Variants in PCDHGA3 observed in about 807,000 individuals in gnomAD.
PCDHGA3 encodes protocadherin gamma-A3.
In PCDHGA3, 40 loss-of-function variants were observed where a neutral mutation model predicts 58.5. The ratio of observed to expected loss-of-function variants is 0.68; its 90% confidence interval spans 0.53 to 0.89. The LOEUF is 0.89. PCDHGA3 is among the 40% of genes least tolerant of loss of function. The probability of loss-of-function intolerance (pLI) is 0.00; values close to 1 mark genes in which losing one functional copy is unlikely to be tolerated. For missense variants in PCDHGA3, 1,223 were observed against 1,195.9 expected (o/e 1.02, Z -0.33); for synonymous variants, 530 against 525.7 (o/e 1.01, Z -0.11).
intron 1 of PCDHGA3, chr5:141,479,217 A>G (rs1433108919): frequency 1.3e-5 from 2 of 152,400 alleles, no homozygotes; most frequent in Non-Finnish European, 2.9e-5. Context: ...TTAAAAAATT[A>G]AAACTATAAT....
chr5:141,490,405 ATC>A lies in PCDHGA3; in HGVS notation c.2425-4397_2425-4396del, dbSNP rs765446736. 1 of 1,614,142 alleles carries A rather than the reference ATC, an allele frequency of 6.2e-7. No individual in the cohort carries two copies. The highest frequency in any genetic ancestry group is 8.5e-7 in the Non-Finnish European group (1 of 1,180,028). ...TAGAAATGGTGAAGTGAGCCTTGATATCTCTCCGGACCTGCCATTTCAGATTA... is the reference window on the plus strand; with the variant it reads ...TAGAAATGGTGAAGTGAGCCTTGATATCTCCGGACCTGCCATTTCAGATTA... On this transcript the variant is annotated intron_variant, in intron 1 of 3. Transcript: ENST00000253812. The surrounding 1 kb of genome is among the most constrained non-coding windows in gnomAD (Gnocchi z 5.4).
chr5:141,344,886 C>A lies in PCDHGA3; in HGVS notation c.853C>A (p.Pro285Thr). ...AQVSYILDKM[P>T]GKIAEIFHLN... ...AGTGTCTTATATTCTAGATAAAATG[C>A]CTGGGAAAATCGCTGAGATTTTCCA... Residue 285 changes from proline (P) to threonine (T), a missense_variant, in exon 1 of 4, where the codon CCT becomes ACT. Transcript: ENST00000253812. 6.2e-7 allele frequency: 1 copy of A among 1,613,810 alleles called. No individual in the cohort carries two copies. Among genetic ancestry groups the A allele is most frequent in the Non-Finnish European group, 8.5e-7 (1 of 1,179,830 alleles).
At chr5:141,482,089 CAA>C (rs36035257) in intron 1 of PCDHGA3, among the ~76,000 whole-genome samples, 9,071 of 134,384 alleles carry the variant, frequency 0.068, 318 homozygotes, top group South Asian at 0.13. Context: ...CACTCCATCT[CAA>C]AAAAAAAAAA....
intron 1 of PCDHGA3, among the ~76,000 whole-genome samples, chr5:141,467,075 C>A (rs2099136382): frequency 6.9e-6 from 1 of 145,470 alleles, no homozygotes; most frequent in Non-Finnish European, 1.5e-5. Flanking sequence ...TTTTTTTAGA[C>A]CAAGTCTCAC....
Position 141,489,978 on chromosome 5 carries a change from T to C in PCDHGA3, c.2425-4829T>C. 6.2e-7 allele frequency: 1 copy of C among 1,614,192 alleles called. No homozygotes were observed. Among genetic ancestry groups the C allele is most frequent in the Non-Finnish European group, 8.5e-7 (1 of 1,180,012 alleles). On this transcript the variant is annotated intron_variant, in intron 1 of 3. Coordinates refer to ENST00000253812, the MANE Select transcript of PCDHGA3 (RefSeq NM_018916.4). The surrounding 1 kb of genome is among the most constrained non-coding windows in gnomAD (Gnocchi z 4.5). ...ATGCTCCAACCTTCCAATCCTCAGT[T>C]CTACGTGTGGGAATCCCAGAGAATG...
At position 141,430,969 on chromosome 5, in the gene PCDHGA3, T is replaced by C. The variant is rs560722324; in HGVS notation, c.2425-63838T>C. The C allele has an allele frequency of 1.5e-4, 246 of 1,613,012 alleles. 3 individuals carry two copies. The South Asian group carries it at 2.6e-3, about 17-fold the overall frequency. The stretch of plus-strand genomic sequence containing the variant: ...GCGGAGTCCGCATCATCCCCAGAGG[T>C]AGGACGCAGCTTTTCGCCCTGAATC... On this transcript the variant is annotated intron_variant, in intron 1 of 3. Transcript: ENST00000253812.
Position 141,490,397 on chromosome 5 carries a change from G to A in PCDHGA3, c.2425-4410G>A. 6.2e-7 allele frequency: 1 copy of A among 1,614,170 alleles called. No individual in the cohort carries two copies. Among genetic ancestry groups the A allele is most frequent in the South Asian group, 1.1e-5 (1 of 91,080 alleles). On this transcript the variant is annotated intron_variant, in intron 1 of 3. Coordinates refer to ENST00000253812, the MANE Select transcript of PCDHGA3 (RefSeq NM_018916.4). This position sits in a 1 kb window ranked among gnomAD's most constrained non-coding sequence, Gnocchi z 5.4. ...GACTCAGGTAGAAATGGTGAAGTGA[G>A]CCTTGATATCTCTCCGGACCTGCCA...
intron 1 of PCDHGA3, chr5:141,441,629 G>T: frequency 4.5e-6 from 1 of 224,156 alleles, no homozygotes; most frequent in Non-Finnish European, 9.0e-6. Flanking sequence ...GTGACCTGGA[G>T]CCACAGGCGC....
intron 1 of PCDHGA3, among the ~76,000 whole-genome samples, chr5:141,463,025 T>G (rs2099051289): frequency 6.6e-6 from 1 of 152,202 alleles, no homozygotes; most frequent in Non-Finnish European, 1.5e-5. Flanking sequence ...ACTTTTTTGA[T>G]TAATCTGAGT....
chr5:141,377,998 G>A (rs757547607), intron 1 of PCDHGA3: 3 of 152,116 alleles, frequency 2.0e-5, no homozygotes, highest in Non-Finnish European at 4.4e-5. Context: ...CTAAAGCTTG[G>A]CTCAAATAAG....
intron 1 of PCDHGA3, chr5:141,418,737 C>G (rs768683069): frequency 6.2e-7 from 1 of 1,613,842 alleles, no homozygotes; most frequent in African/African-American, 1.3e-5. Context: ...CACGTGTTCT[C>G]TCTGGATTAC....
intron 1 of PCDHGA3, chr5:141,360,110 G>A (rs1180892188): frequency 1.3e-6 from 2 of 1,563,150 alleles, no homozygotes; most frequent in Non-Finnish European, 1.7e-6. Context: ...TCCTCCTATG[G>A]GCAAAGGAGC....
In PCDHGA3 at chr5:141,357,339, A is replaced by T. The variant is rs771047184; in HGVS notation, c.2424+10882A>T. 8.7e-6 allele frequency: 14 copies of T among 1,613,986 alleles called. No homozygotes were observed. In the South Asian group the frequency reaches 1.5e-4, roughly 18 times the overall value. On this transcript the variant is annotated intron_variant, in intron 1 of 3. Transcript: ENST00000253812. Reference sequence around the variant, plus strand: ...TGGCTTTTGTCACGGTGCTGCTAGCACTCAAGCTGAGACGCTGGCACAAGT... The same window carrying T: ...TGGCTTTTGTCACGGTGCTGCTAGCTCTCAAGCTGAGACGCTGGCACAAGT...
rs147674746 is a variant in PCDHGA3, at chr5:141,477,348, C to G, written c.2425-17459C>G. 7 of 1,614,180 alleles carry G rather than the reference C, an allele frequency of 4.3e-6. No individual in the cohort carries two copies. Among genetic ancestry groups the G allele is most frequent in the Non-Finnish European group, 5.9e-6 (7 of 1,180,030 alleles). ...CTCAAGAATTACTTCACTTTGAAAA[C>G]CAGTGCAGACCTGGATCGGGAGACT... is the stretch of plus-strand genomic sequence containing the variant. On this transcript the variant is annotated intron_variant, in intron 1 of 3. Transcript: ENST00000253812. The surrounding 1 kb of genome is among the most constrained non-coding windows in gnomAD (Gnocchi z 4.9).
At chr5:141,417,937 C>T (rs571233315) in intron 1 of PCDHGA3, 2 of 1,612,530 alleles carry the variant, frequency 1.2e-6, no homozygotes, top group South Asian at 1.1e-5. Context: ...CTTTGTTCTA[C>T]CCCACGCTGT....
At position 141,346,394 on chromosome 5, in the gene PCDHGA3, A is replaced by G; in HGVS notation, c.2361A>G (p.Lys787=). 1.2e-6 allele frequency: 2 copies of G among 1,614,244 alleles called. No homozygotes were observed. Among genetic ancestry groups the G allele is most frequent in the Non-Finnish European group, 8.5e-7 (1 of 1,180,046 alleles). ...TCATCAGCCAGGAGAGCTGTGAGAAAAGCGAGCCTCTTCTGATAACTCAGG... is the reference window on the plus strand; with the variant it reads ...TCATCAGCCAGGAGAGCTGTGAGAAGAGCGAGCCTCTTCTGATAACTCAGG... ...DTLISQESCE[K]SEPLLITQDL... is the part of the protein sequence containing the mutation. Residue 787 remains lysine (K), a synonymous_variant, in exon 1 of 4, where the codon AAA becomes AAG. Coordinates refer to ENST00000253812, the MANE Select transcript of PCDHGA3 (RefSeq NM_018916.4).
In PCDHGA3 at chr5:141,491,081, C is replaced by T; in HGVS notation, c.2425-3726C>T. The T allele has an allele frequency of 6.2e-7, 1 of 1,614,176 alleles. No individual in the cohort carries two copies. The highest frequency in any genetic ancestry group is 8.5e-7 in the Non-Finnish European group (1 of 1,180,010). On this transcript the variant is annotated intron_variant, in intron 1 of 3. Coordinates refer to ENST00000253812, the MANE Select transcript of PCDHGA3 (RefSeq NM_018916.4). The surrounding 1 kb of genome is among the most constrained non-coding windows in gnomAD (Gnocchi z 6.9). Reference sequence around the variant, plus strand: ...TCCTACTCACTGTTGCCACAGTCCACAGCCCCAGGACTGTTCCTCGTGTCT... The same window carrying T: ...TCCTACTCACTGTTGCCACAGTCCATAGCCCCAGGACTGTTCCTCGTGTCT...
chr5:141,419,617 C>T (rs780077182), intron 1 of PCDHGA3: 2 of 1,612,280 alleles, frequency 1.2e-6, no homozygotes, highest in South Asian at 2.2e-5. Flanking sequence ...AGCCAGGCTA[C>T]CTGGTGACCA....
chr5:141,422,259 C>T (rs751340056), intron 1 of PCDHGA3: 2 of 1,565,034 alleles, frequency 1.3e-6, no homozygotes, highest in Non-Finnish European at 1.7e-6. Flanking sequence ...TGAATGATAA[C>T]GCTCCAGAAA....
Sources: gnomAD v4.1 joint callset for allele counts (sites outside exome capture counted in the v4.1 genomes callset) on GRCh38, gnomAD v4.1.1 for gene constraint, Gnocchi (gnomAD v3.1) non-coding constraint, MANE v1.5 for transcripts, NCBI Gene and HGNC (gene_info 2026-07-23, HGNC 2026-07-21) for gene names.